Variants in UBE2O observed in about 807,000 individuals in gnomAD.
UBE2O encodes ubiquitin conjugating enzyme E2 O, also known as (E3-independent) E2 ubiquitin-conjugating enzyme.
A neutral mutation model predicts 125.8 loss-of-function variants in UBE2O; 15 were observed. That is an observed-to-expected ratio of 0.12 (90% CI 0.08 to 0.18). The LOEUF (loss-of-function observed/expected upper bound fraction) is 0.18. Ranked by LOEUF, UBE2O falls within the 10% of genes least tolerant of loss-of-function variation. The pLI is 1.00. For missense variants in UBE2O, 1,280 were observed against 1,723.6 expected (o/e 0.74, Z 4.56); for synonymous variants, 708 against 703.2 (o/e 1.01, Z -0.11).
rs2072113663 is a variant in UBE2O, at chr17:76,391,489, G to A, written c.3333C>T (p.Ser1111=). ...NEMALIRVVQ[S]MTQLVRRPPE... ...GGGGCCGCCGCACCAGCTGGGTCAT[G>A]GACTGCACCACGCGGATCAGCGCCA... The change falls in exon 18 of 18, where the codon TCC becomes TCT. Residue 1111 remains serine (S), a synonymous_variant. Coordinates refer to ENST00000319380, the MANE Select transcript of UBE2O (RefSeq NM_022066.4). This position sits in a 1 kb window ranked among gnomAD's most constrained non-coding sequence, Gnocchi z 8.4. 1.2e-6 allele frequency: 2 copies of A among 1,613,924 alleles called. No individual in the cohort carries two copies. The highest frequency in any genetic ancestry group is 1.3e-5 in the African/African-American group (1 of 74,956).
intron 1 of UBE2O, among the ~76,000 whole-genome samples, chr17:76,442,096 A>T (rs201764614): frequency 4.3e-5 from 2 of 46,866 alleles, no homozygotes; most frequent in Non-Finnish European, 9.2e-5. Flanking sequence ...GGGTTCTTAC[A>T]GGGGAAATGC....
chr17:76,397,735 T>A, intron 13 of UBE2O, 64 bp downstream of exon 13: 1 of 1,521,526 alleles, frequency 6.6e-7, no homozygotes, highest in Non-Finnish European at 9.1e-7. Flanking sequence ...GCTACACGCC[T>A]GTGGCCCCCG....
chr17:76,445,838 C>T (rs1276960034), intron 1 of UBE2O, among the ~76,000 whole-genome samples: 1 of 152,204 alleles, frequency 6.6e-6, no homozygotes, highest in African/African-American at 2.4e-5. Flanking sequence ...AGAGTCCCCC[C>T]GTGGCTGGCT....
rs1233345949 is a variant in UBE2O, at chr17:76,398,584, A to T, written c.1784T>A (p.Val595Asp). The change falls in exon 11 of 18, where the codon GTC (valine) becomes GAC (aspartate). Residue 595 changes from valine to aspartate, a missense_variant and splice_region_variant. This residue lies in a region of UBE2O where 145 missense variants were observed against 219.6 expected (regional missense o/e 0.66). Transcript: ENST00000319380. This position sits in a 1 kb window ranked among gnomAD's most constrained non-coding sequence, Gnocchi z 5.4. The stretch of plus-strand genomic sequence containing the variant: ...GACAGCAGGGTCTGGACAGCTCTGG[A>T]CTAGGGAACCAGAGAAAGGGAAGTG... ...CPGDFVVDKR[V>D]QSCPDPAVYG... 1 of 1,613,296 alleles carries T rather than the reference A, an allele frequency of 6.2e-7. No individual in the cohort carries two copies.
At position 76,396,390 on chromosome 17, in the gene UBE2O, C is replaced by T; in HGVS notation, c.2547G>A (p.Arg849=). 1.9e-6 allele frequency: 3 copies of T among 1,614,170 alleles called. No individual in the cohort carries two copies. Among genetic ancestry groups the T allele is most frequent in the East Asian group, 2.2e-5 (1 of 44,880 alleles). Reference sequence around the variant, plus strand: ...TGATGTCATCCAGAAACTTCTTCTCCCGAGTTGGCTTCTCAGGCTCCACAG... The same window carrying T: ...TGATGTCATCCAGAAACTTCTTCTCTCGAGTTGGCTTCTCAGGCTCCACAG... ...SPTVEPEKPT[R]EKKFLDDIKK... The change falls in exon 14 of 18, where the codon CGG becomes CGA. Residue 849 remains arginine (R), a synonymous_variant. Coordinates refer to ENST00000319380, the MANE Select transcript of UBE2O (RefSeq NM_022066.4). This position sits in a 1 kb window ranked among gnomAD's most constrained non-coding sequence, Gnocchi z 6.7.
Position 76,435,417 on chromosome 17 carries a change from T to C in UBE2O, c.417+17308A>G, listed in dbSNP as rs2009584. Among the ~76,000 whole-genome samples the C allele has an allele frequency of 2.4e-3, 232 of 96,360 alleles. 7 individuals are homozygous for C. The highest frequency in any genetic ancestry group is 5.0e-3 in the Middle Eastern group (1 of 202). The allele number at this position is 96,360 out of a possible 152,430, so 63.2% of individuals were successfully genotyped here. A position where few individuals can be genotyped will look rare whatever the true frequency, so the allele number is the denominator to read the frequency against. On this transcript the variant is annotated intron_variant, in intron 1 of 17. Coordinates refer to ENST00000319380, the MANE Select transcript of UBE2O (RefSeq NM_022066.4). Reference sequence around the variant, plus strand: ...ATATACAGATACACACACACACACATACACACACACACACACACACACACA... The same window carrying C: ...ATATACAGATACACACACACACACACACACACACACACACACACACACACA...
chr17:76,406,280 G>C (rs2072416641), intron 1 of UBE2O, among the ~76,000 whole-genome samples: 1 of 152,216 alleles, frequency 6.6e-6, no homozygotes, highest in African/African-American at 2.4e-5. Context: ...GGCACGTGAT[G>C]CTCCCACCAG....
Position 76,402,506 on chromosome 17 carries a change from G to T in UBE2O, c.686+96C>A. On this transcript the variant is annotated intron_variant, in intron 4 of 17. Transcript: ENST00000319380. This position sits in a 1 kb window ranked among gnomAD's most constrained non-coding sequence, Gnocchi z 5.4. ...TCTGTCACTGCCCTTGATCAAACCT[G>T]TCATCACTGTCCCCAGGAGGAAACA... 9.4e-7 allele frequency: 1 copy of T among 1,065,854 alleles called. No individual in the cohort carries two copies. Among genetic ancestry groups the T allele is most frequent in the African/African-American group, 1.5e-5 (1 of 64,590 alleles). The allele number at this position is 1,065,854 out of a possible 1,614,324, so 66.0% of individuals were successfully genotyped here. A position where few individuals can be genotyped will look rare whatever the true frequency, so the allele number is the denominator to read the frequency against.
At position 76,391,318 on chromosome 17, in the gene UBE2O, C is replaced by T. The variant is rs748600590; in HGVS notation, c.3504G>A (p.Ser1168=). The part of the protein sequence containing the change: ...LPNGVPKASS[S]PEPPAVAELS... ...GCTCGGCTACAGCTGGGGGCTCTGG[C>T]GAGCTGCTGGCCTTGGGCACCCCGT... The change falls in exon 18 of 18, where the codon TCG becomes TCA. Residue 1168 remains serine, a synonymous_variant. Coordinates refer to ENST00000319380, the MANE Select transcript of UBE2O (RefSeq NM_022066.4). The surrounding 1 kb of genome is among the most constrained non-coding windows in gnomAD (Gnocchi z 8.4). 73 of 1,612,774 alleles carry T rather than the reference C, an allele frequency of 4.5e-5. No individual in the cohort carries two copies. Among genetic ancestry groups the T allele is most frequent in the Middle Eastern group, 1.6e-4 (1 of 6,082 alleles).
At chr17:76,407,311 C>T (rs536533661) in intron 1 of UBE2O, among the ~76,000 whole-genome samples, 2 of 152,328 alleles carry the variant, frequency 1.3e-5, no homozygotes, top group South Asian at 2.1e-4. Context: ...GGCATGCTGG[C>T]GTGACGGTGC....
At position 76,391,251 on chromosome 17, in the gene UBE2O, C is replaced by A; in HGVS notation, c.3571G>T (p.Ala1191Ser). ...GAGCCCTGGGAGGCCTCTCCTGGGG[C>A]TGGCCCTCCATCCTCAGGTTCTTGT... is the stretch of plus-strand genomic sequence containing the variant. ...GQQEPEDGGP[A>S]PGEASQGSDS... The change falls in exon 18 of 18, where the codon GCC becomes TCC. Residue 1191 changes from alanine (A) to serine (S), a missense_variant. Coordinates refer to ENST00000319380, the MANE Select transcript of UBE2O (RefSeq NM_022066.4). This position sits in a 1 kb window ranked among gnomAD's most constrained non-coding sequence, Gnocchi z 8.4. The A allele has an allele frequency of 6.2e-7, 1 of 1,613,338 alleles. No homozygotes were observed. Among genetic ancestry groups the A allele is most frequent in the South Asian group, 1.1e-5 (1 of 91,082 alleles).
intron 1 of UBE2O, among the ~76,000 whole-genome samples, chr17:76,416,035 ATG>A (rs142041683): frequency 0.034 from 4,871 of 142,728 alleles, 151 homozygotes; most frequent in East Asian, 0.12. Flanking sequence ...ACACGTATAT[ATG>A]TGTGTGTACA....
At chr17:76,427,935 C>T (rs1001294633) in intron 1 of UBE2O, among the ~76,000 whole-genome samples, 2 of 152,150 alleles carry the variant, frequency 1.3e-5, no homozygotes, top group African/African-American at 2.4e-5. Context: ...TTGTTAGGGT[C>T]GATTTCAGGG....
chr17:76,402,509 A>C lies in UBE2O; in HGVS notation c.686+93T>G. On this transcript the variant is annotated intron_variant, in intron 4 of 17. Transcript: ENST00000319380. The surrounding 1 kb of genome is among the most constrained non-coding windows in gnomAD (Gnocchi z 5.4). Reference sequence around the variant, plus strand: ...GTCACTGCCCTTGATCAAACCTGTCATCACTGTCCCCAGGAGGAAACACCC... The same window carrying C: ...GTCACTGCCCTTGATCAAACCTGTCCTCACTGTCCCCAGGAGGAAACACCC... 1 of 1,100,518 alleles carries C rather than the reference A, an allele frequency of 9.1e-7. No individual in the cohort carries two copies. Among genetic ancestry groups the C allele is most frequent in the Non-Finnish European group, 1.4e-6 (1 of 719,766 alleles). 68.2% of individuals were successfully genotyped at this position (1,100,518 alleles called of 1,614,324 possible). A position where few individuals can be genotyped will look rare whatever the true frequency, so the allele number is the denominator to read the frequency against.
At chr17:76,448,838 A>C in intron 1 of UBE2O, among the ~76,000 whole-genome samples, 1 of 152,238 alleles carries the variant, frequency 6.6e-6, no homozygotes, top group East Asian at 1.9e-4. Flanking sequence ...CTTTGTTACA[A>C]AATTTTATTC....
In UBE2O at chr17:76,452,969, C is replaced by T; in HGVS notation, c.173G>A (p.Arg58His). The change falls in exon 1 of 18, where the codon CGC (arginine) becomes CAC (histidine). Residue 58 changes from arginine to histidine, a missense_variant. Physicochemically the swap from Arg to His is conservative, Grantham distance 29 (BLOSUM62 0). This residue lies in a region of UBE2O where 188 missense variants were observed against 192.5 expected (regional missense o/e 0.98). Transcript: ENST00000319380. This position sits in a 1 kb window ranked among gnomAD's most constrained non-coding sequence, Gnocchi z 4.4. ...SDSGPEAGSQ[R>H]LLFSHDLVSG... ...CACCAGGTCGTGAGAAAACAGCAGG[C>T]GCTGCGAGCCGGCTTCTGGGCCGGA... The T allele has an allele frequency of 6.7e-7, 1 of 1,494,886 alleles. No individual in the cohort carries two copies. Among genetic ancestry groups the T allele is most frequent in the Non-Finnish European group, 8.9e-7 (1 of 1,122,126 alleles). 92.6% of individuals were successfully genotyped at this position (1,494,886 alleles called of 1,614,324 possible).
intron 13 of UBE2O, 69 bp downstream of exon 13, chr17:76,397,730 A>G: frequency 6.8e-7 from 1 of 1,475,786 alleles, no homozygotes; most frequent in Non-Finnish European, 9.5e-7. Flanking sequence ...TTCTGGCTAC[A>G]CGCCTGTGGC....
At chr17:76,415,840 T>C (rs891859108) in intron 1 of UBE2O, among the ~76,000 whole-genome samples, 2 of 150,588 alleles carry the variant, frequency 1.3e-5, no homozygotes. Flanking sequence ...CATACACATA[T>C]ATGTATATAC....
At chr17:76,440,984 C>T (rs2073069419) in intron 1 of UBE2O, among the ~76,000 whole-genome samples, 1 of 152,168 alleles carries the variant, frequency 6.6e-6, no homozygotes. Context: ...CCCGTGTAGT[C>T]AGTGAAGAGA....
Sources: allele counts gnomAD v4.1 joint callset (sites outside exome capture counted in the v4.1 genomes callset), GRCh38; gene constraint gnomAD v4.1.1; regional missense constraint gnomAD v4.1.1; non-coding constraint Gnocchi (gnomAD v3.1); transcripts MANE v1.5; gene names NCBI Gene and HGNC (gene_info 2026-07-23, HGNC 2026-07-21).